The following ARPC1A variants were observed in gnomAD, a reference collection of about 807,000 sequenced individuals.
The protein encoded by ARPC1A is actin-related protein 2/3 complex subunit 1A.
ARPC1A carries 8 observed loss-of-function variants against 46.9 expected under a neutral mutation model. The observed-to-expected ratio is 0.17, with a 90% CI of 0.10 to 0.31. The LOEUF (loss-of-function observed/expected upper bound fraction) is 0.31, where lower values mean the gene tolerates loss of function less well. ARPC1A is among the 10% of genes least tolerant of loss of function. The pLI, the probability that ARPC1A is intolerant of heterozygous loss-of-function variation, is 1.00. For synonymous variants in ARPC1A, 152 were observed against 169.0 expected (o/e 0.90, Z 0.78); for missense variants, 286 against 483.6 (o/e 0.59, Z 3.83).
chr7:99,343,202 C>T (rs1793384776), intron 3 of ARPC1A, among the ~76,000 whole-genome samples: 1 of 152,164 alleles, frequency 6.6e-6, no homozygotes, highest in Admixed American at 6.5e-5. Context: ...CACTGTGGCT[C>T]ATGCCTATAA....
At chr7:99,347,829 CAAAAAAAAA>C (rs755158875) in intron 4 of ARPC1A, among the ~76,000 whole-genome samples, 1 of 90,592 alleles carries the variant, frequency 1.1e-5, no homozygotes, top group East Asian at 2.8e-4. Flanking sequence ...AACTCCATCT[CAAAAAAAAA>C]AAAAAAAGAA....
At chr7:99,334,003 G>C (rs1025012289) in intron 2 of ARPC1A, among the ~76,000 whole-genome samples, 5 of 139,490 alleles carry the variant, frequency 3.6e-5, no homozygotes, top group African/African-American at 1.5e-4. Context: ...GTGTGTGTGT[G>C]TACACACACA....
chr7:99,328,559 A>T (rs1265156639), intron 1 of ARPC1A, among the ~76,000 whole-genome samples: 1 of 152,150 alleles, frequency 6.6e-6, no homozygotes, highest in Admixed American at 6.6e-5. Context: ...TTTCATAGCT[A>T]GTGTGTGTCA....
rs765553717 is a variant in ARPC1A, at chr7:99,338,249, G to A, written c.133G>A (p.Ala45Thr). 5 of 1,613,060 alleles carry A rather than the reference G, an allele frequency of 3.1e-6. No individual in the cohort carries two copies. The Admixed American group carries it at 6.7e-5, about 22-fold the overall frequency. ...YKKNGSQWVK[A>T]HELKEHNGHI... ...GAAGAACGGGAGCCAGTGGGTGAAA[G>A]CTCATGAACTCAAGGAGCACAACGG... Residue 45 changes from alanine to threonine, a missense_variant, in exon 3 of 10, where the codon GCT (alanine) becomes ACT (threonine). Physicochemically the swap from Ala to Thr is moderately conservative, Grantham distance 58. Coordinates refer to ENST00000262942, the MANE Select transcript of ARPC1A (RefSeq NM_006409.4).
chr7:99,327,165 A>AGTGTAACT (rs1584371872), intron 1 of ARPC1A, among the ~76,000 whole-genome samples: 1 of 150,424 alleles, frequency 6.6e-6, no homozygotes, highest in Non-Finnish European at 1.5e-5. Context: ...CCTGTTAGGG[A>AGTGTAACT]GTGGGTAACT....
chr7:99,365,598 G>C (rs1287830734), intron 9 of ARPC1A, among the ~76,000 whole-genome samples: 2 of 150,458 alleles, frequency 1.3e-5, no homozygotes, highest in African/African-American at 4.9e-5. Context: ...TGGGGCAACA[G>C]AGCAAGACCC....
At chr7:99,361,592 C>T (rs533441025) in intron 8 of ARPC1A, among the ~76,000 whole-genome samples, 13 of 152,210 alleles carry the variant, frequency 8.5e-5, no homozygotes, top group African/African-American at 1.7e-4. Context: ...TGAATGGCTC[C>T]GAGTTACTTC....
chr7:99,365,932 C>A lies in ARPC1A; in HGVS notation c.*3C>A. On this transcript the variant is annotated 3_prime_UTR_variant, in exon 10 of 10. Coordinates refer to ENST00000262942, the MANE Select transcript of ARPC1A (RefSeq NM_006409.4). Reference sequence around the variant, plus strand: ...TCCAGGGCCTCCGGATAATGTGAAGCTGAGTGAGCCTCCGCCATCCAGCAT... The same window carrying A: ...TCCAGGGCCTCCGGATAATGTGAAGATGAGTGAGCCTCCGCCATCCAGCAT... The A allele has an allele frequency of 6.4e-7, 1 of 1,570,688 alleles. No individual in the cohort carries two copies.
At chr7:99,343,280 A>T (rs1472674825) in intron 3 of ARPC1A, among the ~76,000 whole-genome samples, 1 of 152,062 alleles carries the variant, frequency 6.6e-6, no homozygotes, top group Non-Finnish European at 1.5e-5. Context: ...AGCCTGGTCA[A>T]CATGGTGAAA....
intron 2 of ARPC1A, among the ~76,000 whole-genome samples, chr7:99,336,929 C>G (rs1793265211): frequency 6.6e-6 from 1 of 151,510 alleles, no homozygotes; most frequent in African/African-American, 2.4e-5. Flanking sequence ...AAAGACCAGC[C>G]TAGGCAACAT....
intron 5 of ARPC1A, among the ~76,000 whole-genome samples, chr7:99,351,880 C>G (rs1195828430): frequency 2.6e-5 from 4 of 152,166 alleles, no homozygotes. Context: ...GCCCTTAACT[C>G]TGGGCCAGAA....
Position 99,359,685 on chromosome 7 carries a change from C to T in ARPC1A, c.930C>T (p.Ala310=), listed in dbSNP as rs765365489. The T allele has an allele frequency of 1.2e-6, 2 of 1,614,178 alleles. No homozygotes were observed. Among genetic ancestry groups the T allele is most frequent in the South Asian group, 1.1e-5 (1 of 91,090 alleles). ...GCTTCCGCAACATGGACAAGAGAGC[C>T]ACAACTGAGGACCGCAACACGGCCT... ...MERFRNMDKR[A]TTEDRNTALE... The change falls in exon 8 of 10, where the codon GCC becomes GCT. Residue 310 remains alanine (A), a synonymous_variant. Transcript: ENST00000262942.
chr7:99,334,800 G>A (rs1793211812), intron 2 of ARPC1A, among the ~76,000 whole-genome samples: 1 of 151,990 alleles, frequency 6.6e-6, no homozygotes, highest in Admixed American at 6.6e-5. Context: ...TCATGTCTGA[G>A]CCTCCCAAGA....
intron 5 of ARPC1A, among the ~76,000 whole-genome samples, chr7:99,352,282 A>G (rs138466765): frequency 6.6e-6 from 1 of 152,144 alleles, no homozygotes; most frequent in African/African-American, 2.4e-5. Flanking sequence ...TGTGCAGTCC[A>G]TGAGGACAGG....
chr7:99,345,849 A>C (rs1793435684), intron 4 of ARPC1A, among the ~76,000 whole-genome samples: 1 of 152,142 alleles, frequency 6.6e-6, no homozygotes, highest in Admixed American at 6.6e-5. Context: ...GGGGATTATC[A>C]TGTTACCTTT....
At chr7:99,358,101 T>C (rs1442860368) in intron 6 of ARPC1A, among the ~76,000 whole-genome samples, 2 of 152,094 alleles carry the variant, frequency 1.3e-5, no homozygotes, top group African/African-American at 4.8e-5. Context: ...ATGCAAAGAC[T>C]GGGCTTTGGG....
intron 2 of ARPC1A, among the ~76,000 whole-genome samples, chr7:99,337,698 T>C (rs1793279633): frequency 6.6e-6 from 1 of 152,198 alleles, no homozygotes; most frequent in Non-Finnish European, 1.5e-5. Flanking sequence ...GTATAGTTTA[T>C]CAGCAGAATC....
chr7:99,328,564 G>A (rs927619475), intron 1 of ARPC1A, among the ~76,000 whole-genome samples: 1 of 152,162 alleles, frequency 6.6e-6, no homozygotes, highest in Non-Finnish European at 1.5e-5. Context: ...TAGCTAGTGT[G>A]TGTCAAAAGC....
At position 99,356,605 on chromosome 7, in the gene ARPC1A, C is replaced by CAA. The variant is rs569874360; in HGVS notation, c.714-1722_714-1721dup. Among the ~76,000 whole-genome samples, 236 of 98,726 alleles carry CAA rather than the reference C, an allele frequency of 2.4e-3. 1 individual carries two copies. The highest frequency in any genetic ancestry group is 2.7e-3 in the Non-Finnish European group (126 of 46,696). The allele number at this position is 98,726 out of a possible 152,430, so 64.8% of individuals were successfully genotyped here. A position where few individuals can be genotyped will look rare whatever the true frequency, so the allele number is the denominator to read the frequency against. On this transcript the variant is annotated intron_variant, in intron 6 of 9. Transcript: ENST00000262942. ...GGGCAACAAGAGGAAGACTCTGTCT[C>CAA]AAAAAAAAAAAAAAGACTGGGCACA...
Sources: allele counts gnomAD v4.1 joint callset (sites outside exome capture counted in the v4.1 genomes callset), GRCh38; gene constraint gnomAD v4.1.1; transcripts MANE v1.5; gene names NCBI Gene and HGNC (gene_info 2026-07-23, HGNC 2026-07-21).